Variants in SRRM4 observed in about 807,000 individuals in gnomAD.
SRRM4 encodes serine/arginine repetitive matrix protein 4.
In SRRM4, 33 loss-of-function variants were observed where a neutral mutation model predicts 68.9. The observed-to-expected ratio is 0.48, with a 90% confidence interval of 0.36 to 0.64. SRRM4 has a LOEUF of 0.64. Ranked by LOEUF, SRRM4 falls within the 30% of genes least tolerant of loss-of-function variation. The probability of loss-of-function intolerance (pLI) is 0.00; values close to 1 mark genes in which losing one functional copy is unlikely to be tolerated. For missense variants in SRRM4, 817 were observed against 827.1 expected (o/e 0.99, Z 0.15); for synonymous variants, 318 against 318.8 (o/e 1.00, Z 0.03).
chr12:119,097,195 AG>A (rs149822057), intron 1 of SRRM4, among the ~76,000 whole-genome samples: 12,009 of 152,272 alleles, frequency 0.079, 525 homozygotes, highest in Admixed American at 0.1. Context: ...GATGGAACAC[AG>A]AATTTTTCTT....
At chr12:119,122,036 G>A (rs1168779142) in intron 5 of SRRM4, 34 bp from the exon 6 acceptor site, 1 of 1,450,454 alleles carries the variant, frequency 6.9e-7, no homozygotes, top group Admixed American at 1.7e-5. Context: ...CTAGAATTTT[G>A]CATCTTTCAA....
intron 1 of SRRM4, among the ~76,000 whole-genome samples, chr12:118,996,836 A>C (rs555767333): frequency 6.6e-6 from 1 of 152,330 alleles, no homozygotes; most frequent in East Asian, 1.9e-4. Flanking sequence ...GTATGGAGCA[A>C]AAAATGTCAC....
chr12:119,101,153 A>G (rs1251431813), intron 1 of SRRM4, among the ~76,000 whole-genome samples: 1 of 152,192 alleles, frequency 6.6e-6, no homozygotes, highest in Non-Finnish European at 1.5e-5. Context: ...AGACATGCTA[A>G]TGCCTTTGAT....
At chr12:119,028,754 C>A (rs958179452) in intron 1 of SRRM4, among the ~76,000 whole-genome samples, 1 of 152,156 alleles carries the variant, frequency 6.6e-6, no homozygotes, top group African/African-American at 2.4e-5. Flanking sequence ...AAATGCACCA[C>A]AAATTCGGGA....
At chr12:119,049,493 A>G (rs1259094878) in intron 1 of SRRM4, among the ~76,000 whole-genome samples, 2 of 152,224 alleles carry the variant, frequency 1.3e-5, no homozygotes, top group Non-Finnish European at 2.9e-5. Context: ...CCTCGGTTTG[A>G]GAAGAGGACT....
At position 119,154,595 on chromosome 12, in the gene SRRM4, G is replaced by GA. The variant is rs1367507288; in HGVS notation, c.1532+214dup. ...CCAGCTCAACCAGCAGGGCCTGCAAGAAGGGGGCGGGGCCAGCCTGAAGAA... is the reference window on the plus strand; with the variant it reads ...CCAGCTCAACCAGCAGGGCCTGCAAGAAAGGGGGCGGGGCCAGCCTGAAGAA... On this transcript the variant is annotated intron_variant, in intron 12 of 12. Transcript: ENST00000267260. The surrounding 1 kb of genome is among the most constrained non-coding windows in gnomAD (Gnocchi z 4.7). Among the ~76,000 whole-genome samples, 1 of 152,212 alleles carries GA rather than the reference G, an allele frequency of 6.6e-6. No individual in the cohort carries two copies. Among genetic ancestry groups the GA allele is most frequent in the Non-Finnish European group, 1.5e-5 (1 of 68,038 alleles).
At chr12:119,072,634 A>G (rs1356035499) in intron 1 of SRRM4, among the ~76,000 whole-genome samples, 1 of 152,192 alleles carries the variant, frequency 6.6e-6, no homozygotes, top group East Asian at 1.9e-4. Flanking sequence ...GATTGAACAG[A>G]GACGTCGGAC....
chr12:119,038,412 C>T (rs533910690), intron 1 of SRRM4, among the ~76,000 whole-genome samples: 3 of 152,000 alleles, frequency 2.0e-5, no homozygotes, highest in Non-Finnish European at 2.9e-5. Flanking sequence ...GGGGTTTCAC[C>T]GTGTTAGCCA....
chr12:119,107,576 A>G (rs1338780402), intron 2 of SRRM4, among the ~76,000 whole-genome samples: 6 of 152,208 alleles, frequency 3.9e-5, no homozygotes, highest in Admixed American at 2.6e-4. Context: ...GAATTTATCC[A>G]TTTCTTCTAG....
At chr12:119,069,458 T>C (rs191299498) in intron 1 of SRRM4, among the ~76,000 whole-genome samples, 1 of 152,296 alleles carries the variant, frequency 6.6e-6, no homozygotes, top group Admixed American at 6.5e-5. Context: ...TCCTAGCAGC[T>C]GGAGGCCACA....
rs78679931 is a variant in SRRM4 at position 119,128,279 on chromosome 12, C to A, written c.615-2399C>A. On this transcript the variant is annotated intron_variant, in intron 7 of 12. Transcript: ENST00000267260. ...AGTGACCAAGCATCTCTCTACCCTG[C>A]CTAATATGAGTGACTGCTGCTTCCT... is the stretch of plus-strand genomic sequence containing the variant. Among the ~76,000 whole-genome samples, 1,079 of 152,272 alleles carry A rather than the reference C, an allele frequency of 7.1e-3. 12 individuals are homozygous for A. Among genetic ancestry groups the A allele is most frequent in the African/African-American group, 0.024 (995 of 41,556 alleles).
At chr12:119,094,995 CTATATCCAAACGATGTCT>C (rs1194141774) in intron 1 of SRRM4, among the ~76,000 whole-genome samples, 1 of 152,202 alleles carries the variant, frequency 6.6e-6, no homozygotes, top group Non-Finnish European at 1.5e-5. Flanking sequence ...ATTACTGCCC[CTATATCCAAACGATGTCT>C]CCCACAGCAG....
intron 3 of SRRM4, among the ~76,000 whole-genome samples, chr12:119,114,963 C>T (rs1027287359): frequency 1.8e-4 from 27 of 151,524 alleles, no homozygotes; most frequent in African/African-American, 6.6e-4. Context: ...CGCGCCTGGC[C>T]GGAAGCATAG....
intron 1 of SRRM4, among the ~76,000 whole-genome samples, chr12:119,090,852 C>G (rs541087206): frequency 6.6e-6 from 1 of 152,220 alleles, no homozygotes; most frequent in African/African-American, 2.4e-5. Context: ...CTGGCAATCT[C>G]AGTTTCTGTA....
intron 2 of SRRM4, among the ~76,000 whole-genome samples, chr12:119,111,013 G>T (rs1266876783): frequency 6.6e-6 from 1 of 152,182 alleles, no homozygotes; most frequent in African/African-American, 2.4e-5. Context: ...TAACTGCTGA[G>T]CACTTAACCA....
chr12:119,085,003 C>T (rs1020828282), intron 1 of SRRM4, among the ~76,000 whole-genome samples: 12 of 152,168 alleles, frequency 7.9e-5, no homozygotes, highest in Non-Finnish European at 1.5e-5. Flanking sequence ...TGGGTTCAAG[C>T]GATTCTCCTG....
chr12:119,010,468 G>A (rs973985858), intron 1 of SRRM4, among the ~76,000 whole-genome samples: 5 of 152,202 alleles, frequency 3.3e-5, no homozygotes, highest in Non-Finnish European at 7.3e-5. Context: ...CACTTTGAGA[G>A]TTCTCTTTGT....
At chr12:119,114,419 TG>T in intron 3 of SRRM4, 55 bp downstream of exon 3, 1 of 1,462,584 alleles carries the variant, frequency 6.8e-7, no homozygotes, top group Non-Finnish European at 9.4e-7. Flanking sequence ...GGACAAAATA[TG>T]GGTTTCAAAG....
intron 1 of SRRM4, among the ~76,000 whole-genome samples, chr12:119,051,604 A>G (rs1953742803): frequency 6.6e-6 from 1 of 152,196 alleles, no homozygotes; most frequent in Admixed American, 6.5e-5. Flanking sequence ...ACAGAAGAAA[A>G]TTTGATGACC....
Sources: allele counts gnomAD v4.1 joint callset (sites outside exome capture counted in the v4.1 genomes callset), GRCh38; gene constraint gnomAD v4.1.1; non-coding constraint Gnocchi (gnomAD v3.1); transcripts MANE v1.5; gene names NCBI Gene and HGNC (gene_info 2026-07-23, HGNC 2026-07-21).